Variants in PNOC observed in about 807,000 individuals in gnomAD.
The protein encoded by PNOC is nociceptin.
Under a neutral mutation model 15.6 loss-of-function variants are expected in PNOC, and 10 were observed. The observed-to-expected ratio is 0.64, with a 90% CI of 0.40 to 1.09. The LOEUF is 1.09. Among genes scored for constraint, PNOC ranks in the 50% least tolerant of loss-of-function variants. The pLI is 0.01. For missense variants in PNOC, 220 were observed against 223.9 expected (o/e 0.98, Z 0.11); for synonymous variants, 98 against 88.5 (o/e 1.11, Z -0.60).
At position 28,339,428 on chromosome 8, in the gene PNOC, A is replaced by G. The variant is rs200453817; in HGVS notation, c.515A>G (p.Gln172Arg). ...QSSQRRRTLHQNGNV is the reference protein window; with the variant it reads ...QSSQRRRTLHRNGNV ...AGCCAGCGCCGGCGCACCCTGCACC[A>G]GAATGGTAATGTGTAGCCGGAAGGG... Residue 172 changes from glutamine (Q) to arginine (R), a missense_variant, in exon 3 of 4, where the codon CAG becomes CGG. Physicochemically the swap from Gln to Arg is conservative, Grantham distance 43. Coordinates refer to ENST00000301908, the MANE Select transcript of PNOC (RefSeq NM_006228.5). 1.4e-5 allele frequency: 21 copies of G among 1,539,728 alleles called. No individual in the cohort carries two copies. The East Asian group carries it at 4.8e-4, about 35-fold the overall frequency.
intron 2 of PNOC, among the ~76,000 whole-genome samples, chr8:28,337,663 A>T (rs1274410720): frequency 2.0e-5 from 3 of 148,200 alleles, no homozygotes; most frequent in Non-Finnish European, 3.0e-5. Context: ...GTTCACTGCA[A>T]GCTCCGCCTC....
Position 28,342,943 on chromosome 8 carries a change from CG to C in PNOC, c.*50del. On this transcript the variant is annotated splice_region_variant and 3_prime_UTR_variant, in exon 4 of 4. Coordinates refer to ENST00000301908, the MANE Select transcript of PNOC (RefSeq NM_006228.5). The stretch of plus-strand genomic sequence containing the variant: ...TTTTAACCATTTCTGTCTCCCCAGG[CG>C]TCCAGGTGATCCCCCAAACAGCATG... 1 of 983,940 alleles carries C rather than the reference CG, an allele frequency of 1.0e-6. No homozygotes were observed. The highest frequency in any genetic ancestry group is 1.2e-6 in the Non-Finnish European group (1 of 828,524). The allele number at this position is 983,940 out of a possible 1,614,324, so 61.0% of individuals were successfully genotyped here.
chr8:28,318,443 A>C (rs992313899), intron 1 of PNOC, among the ~76,000 whole-genome samples: 1 of 152,252 alleles, frequency 6.6e-6, no homozygotes, highest in East Asian at 1.9e-4. Context: ...GGCATTCGCC[A>C]GCAAGCCCAA....
chr8:28,318,644 G>A (rs1014778325), intron 1 of PNOC, among the ~76,000 whole-genome samples: 2 of 152,174 alleles, frequency 1.3e-5, no homozygotes, highest in Admixed American at 1.3e-4. Context: ...TTAACAAAAA[G>A]GATTCGTGCT....
intron 2 of PNOC, among the ~76,000 whole-genome samples, chr8:28,335,854 A>T (rs1045593243): frequency 2.0e-5 from 3 of 152,134 alleles, no homozygotes; most frequent in African/African-American, 7.2e-5. Context: ...AAAGCTCTGC[A>T]GGTGATTGGG....
intron 2 of PNOC, among the ~76,000 whole-genome samples, chr8:28,329,919 T>C (rs567289046): frequency 6.6e-6 from 1 of 152,262 alleles, no homozygotes; most frequent in African/African-American, 2.4e-5. Context: ...AGGATGTGCA[T>C]AGCCATTTTA....
chr8:28,329,619 C>A (rs1248608134), intron 2 of PNOC, among the ~76,000 whole-genome samples: 2 of 152,160 alleles, frequency 1.3e-5, no homozygotes, highest in African/African-American at 2.4e-5. Flanking sequence ...TTACACCAGT[C>A]AGAGAAAGAA....
intron 2 of PNOC, among the ~76,000 whole-genome samples, chr8:28,334,049 AACACACACACACACACACACACAC>A (rs71678743): frequency 6.8e-6 from 1 of 146,898 alleles, no homozygotes; most frequent in Non-Finnish European, 1.5e-5. Context: ...AGGTGCCAGT[AACACACACACACACACACACACAC>A]ACACACACAC....
intron 1 of PNOC, among the ~76,000 whole-genome samples, chr8:28,319,329 G>C (rs989079473): frequency 2.6e-5 from 4 of 152,102 alleles, no homozygotes; most frequent in Admixed American, 1.3e-4. Context: ...GAAACAATTA[G>C]AGGACCATGC....
At chr8:28,338,278 G>T (rs547572817) in intron 2 of PNOC, among the ~76,000 whole-genome samples, 13 of 152,264 alleles carry the variant, frequency 8.5e-5, no homozygotes, top group Non-Finnish European at 8.8e-5. Flanking sequence ...CAGCCAAGAG[G>T]GGCTGGAGAA....
At chr8:28,317,635 G>A (rs1801080348) in intron 1 of PNOC, among the ~76,000 whole-genome samples, 1 of 152,164 alleles carries the variant, frequency 6.6e-6, no homozygotes, top group Non-Finnish European at 1.5e-5. Flanking sequence ...GTCGAGAGGA[G>A]GCTGCTGGAG....
At position 28,329,268 on chromosome 8, in the gene PNOC, C is replaced by G; in HGVS notation, c.111C>G (p.Asp37Glu). ...AGGAGAAGCTCCACCCAGCCCTGGA[C>G]AGCTTCGACCTGGAGGTAGGTCTCC... ...TCQEKLHPALDSFDLEVCILE... is the reference protein window; with the variant it reads ...TCQEKLHPALESFDLEVCILE... Residue 37 changes from aspartate to glutamate, a missense_variant, in exon 2 of 4, where the codon GAC becomes GAG. By Grantham distance (45) the Asp-to-Glu change is conservative. Transcript: ENST00000301908. The G allele has an allele frequency of 1.9e-6, 3 of 1,613,694 alleles. No homozygotes were observed. The highest frequency in any genetic ancestry group is 2.5e-6 in the Non-Finnish European group (3 of 1,180,030).
At chr8:28,330,396 A>ATTTTATTTTATTTTAT (rs377288105) in intron 2 of PNOC, among the ~76,000 whole-genome samples, 12 of 80,452 alleles carry the variant, frequency 1.5e-4, no homozygotes, top group Non-Finnish European at 1.8e-4. Flanking sequence ...ATTTTATTTT[A>ATTTTATTTTATTTTAT]TTTTTTTTTT....
intron 2 of PNOC, among the ~76,000 whole-genome samples, chr8:28,337,987 A>T (rs1459887749): frequency 6.6e-6 from 1 of 152,128 alleles, no homozygotes; most frequent in Non-Finnish European, 1.5e-5. Flanking sequence ...TTCTGTGCAT[A>T]AGGAGAAGGG....
At chr8:28,330,236 G>A (rs918097027) in intron 2 of PNOC, among the ~76,000 whole-genome samples, 3 of 151,360 alleles carry the variant, frequency 2.0e-5, no homozygotes, top group Middle Eastern at 3.5e-3. Context: ...ATGAGCCACC[G>A]TGCCCCTCCG....
rs190892464 is a variant in PNOC at position 28,329,275 on chromosome 8, G to T, written c.118G>T (p.Asp40Tyr). 5.0e-6 allele frequency: 8 copies of T among 1,613,246 alleles called. No homozygotes were observed. Residue 40 changes from aspartate (D) to tyrosine (Y), a missense_variant, in exon 2 of 4, where the codon GAC becomes TAC. By Grantham distance (160) the Asp-to-Tyr change is radical. Coordinates refer to ENST00000301908, the MANE Select transcript of PNOC (RefSeq NM_006228.5). The part of the protein sequence containing the change: ...EKLHPALDSF[D>Y]LEVCILECEE... Reference sequence around the variant, plus strand: ...GCTCCACCCAGCCCTGGACAGCTTCGACCTGGAGGTAGGTCTCCAAGGCAA... The same window carrying T: ...GCTCCACCCAGCCCTGGACAGCTTCTACCTGGAGGTAGGTCTCCAAGGCAA...
intron 2 of PNOC, among the ~76,000 whole-genome samples, chr8:28,329,844 C>T (rs983580938): frequency 6.6e-6 from 1 of 152,120 alleles, no homozygotes; most frequent in African/African-American, 2.4e-5. Flanking sequence ...ATAACAACTA[C>T]TTAAATAGCA....
chr8:28,341,755 G>T (rs1801522036), intron 3 of PNOC, among the ~76,000 whole-genome samples: 1 of 152,132 alleles, frequency 6.6e-6, no homozygotes, highest in Admixed American at 6.5e-5. Flanking sequence ...CAGCTCATTT[G>T]GGTATTATTG....
Position 28,339,346 on chromosome 8 carries a change from A to G in PNOC, c.433A>G (p.Asn145Asp). Residue 145 changes from asparagine (N) to aspartate (D), a missense_variant, in exon 3 of 4, where the codon AAT becomes GAT. Coordinates refer to ENST00000301908, the MANE Select transcript of PNOC (RefSeq NM_006228.5). ...GARKSARKLA[N>D]QKRFSEFMRQ... Reference sequence around the variant, plus strand: ...CCGGAAGTCGGCCAGGAAGTTGGCCAATCAGAAGCGGTTCAGTGAGTTTAT... The same window carrying G: ...CCGGAAGTCGGCCAGGAAGTTGGCCGATCAGAAGCGGTTCAGTGAGTTTAT... The G allele has an allele frequency of 6.2e-7, 1 of 1,610,996 alleles. No homozygotes were observed. Among genetic ancestry groups the G allele is most frequent in the Admixed American group, 1.7e-5 (1 of 59,844 alleles).
Sources: allele counts gnomAD v4.1 joint callset (sites outside exome capture counted in the v4.1 genomes callset), GRCh38; gene constraint gnomAD v4.1.1; transcripts MANE v1.5; gene names NCBI Gene and HGNC (gene_info 2026-07-23, HGNC 2026-07-21).